Variants in ROBO2 observed in about 807,000 individuals in gnomAD.
The protein encoded by ROBO2 is roundabout homolog 2.
Under a neutral mutation model 160.8 loss-of-function variants are expected in ROBO2, and 53 were observed. That is an observed-to-expected ratio of 0.33 (90% CI 0.26 to 0.41). ROBO2 has a LOEUF of 0.41. Among genes scored for constraint, ROBO2 ranks in the 10% least tolerant of loss-of-function variants. ROBO2 has a pLI of 1.00. For missense variants in ROBO2, 1,577 were observed against 1,722.4 expected (o/e 0.92, Z 1.49); for synonymous variants, 664 against 611.7 (o/e 1.09, Z -1.26).
intron 2 of ROBO2, among the ~76,000 whole-genome samples, chr3:76,034,939 G>T (rs1471257400): frequency 6.6e-6 from 1 of 152,002 alleles, no homozygotes; most frequent in African/African-American, 2.4e-5. Context: ...TTTGGTCTCT[G>T]ATTTCTTTTA....
rs144473592 is a variant in ROBO2 at position 76,899,474 on chromosome 3, C to T, written c.110-198540C>T. Among the ~76,000 whole-genome samples, 678 of 152,236 alleles carry T rather than the reference C, an allele frequency of 4.5e-3. 9 individuals are homozygous for T. The highest frequency in any genetic ancestry group is 0.016 in the African/African-American group (652 of 41,552). On this transcript the variant is annotated intron_variant, in intron 2 of 26. Transcript: ENST00000487694. ...AGGGACTTATGTCTTGCCTTCCAAA[C>T]ATGTGAATATTATTTTACTTTGTAG...
intron 2 of ROBO2, among the ~76,000 whole-genome samples, chr3:76,335,195 T>G (rs1019458001): frequency 6.9e-6 from 1 of 145,192 alleles, no homozygotes; most frequent in African/African-American, 2.5e-5. Flanking sequence ...TTTTTTTTTT[T>G]TTTTTTGAGA....
chr3:76,973,139 A>G (rs2059651861), intron 2 of ROBO2, among the ~76,000 whole-genome samples: 1 of 152,130 alleles, frequency 6.6e-6, no homozygotes, highest in South Asian at 2.1e-4. Flanking sequence ...GCTGAGACCC[A>G]AGTTCAGCTG....
chr3:76,081,140 T>C (rs1010126988), intron 2 of ROBO2, among the ~76,000 whole-genome samples: 1 of 148,828 alleles, frequency 6.7e-6, no homozygotes, highest in African/African-American at 2.6e-5. Context: ...TTATAGTTTT[T>C]TTTTACAAAA....
chr3:77,164,485 T>G (rs1448462530), intron 2 of ROBO2, among the ~76,000 whole-genome samples: 9 of 96,912 alleles, frequency 9.3e-5, no homozygotes, highest in East Asian at 3.5e-4. Flanking sequence ...GGGAGGGAGG[T>G]GGGGGGGTCA....
At chr3:76,011,938 C>T (rs932238525) in intron 2 of ROBO2, among the ~76,000 whole-genome samples, 2 of 152,106 alleles carry the variant, frequency 1.3e-5, no homozygotes, top group Non-Finnish European at 2.9e-5. Flanking sequence ...CCCAGTGACT[C>T]GATGCAATCA....
At chr3:76,119,720 A>G (rs1016311238) in intron 2 of ROBO2, among the ~76,000 whole-genome samples, 1 of 152,154 alleles carries the variant, frequency 6.6e-6, no homozygotes, top group Middle Eastern at 3.2e-3. Context: ...CATTCAAAAT[A>G]GGAACCTACT....
intron 2 of ROBO2, among the ~76,000 whole-genome samples, chr3:76,232,338 A>G (rs1410137625): frequency 2.6e-5 from 4 of 152,242 alleles, no homozygotes; most frequent in Non-Finnish European, 5.9e-5. Context: ...ATTGGTTCAG[A>G]GTCTAGAAAT....
intron 2 of ROBO2, among the ~76,000 whole-genome samples, chr3:76,109,566 G>T (rs1364734364): frequency 6.6e-6 from 1 of 152,106 alleles, no homozygotes; most frequent in Non-Finnish European, 1.5e-5. Flanking sequence ...TGTTGACTGT[G>T]CCTCCTGCTT....
chr3:76,421,406 T>G (rs2075990295), intron 2 of ROBO2, among the ~76,000 whole-genome samples: 1 of 151,890 alleles, frequency 6.6e-6, no homozygotes, highest in Non-Finnish European at 1.5e-5. Flanking sequence ...AACAATAATA[T>G]TTTTTGATTA....
chr3:76,816,866 A>C (rs2109067233), intron 2 of ROBO2, among the ~76,000 whole-genome samples: 1 of 152,264 alleles, frequency 6.6e-6, no homozygotes, highest in Non-Finnish European at 1.5e-5. Flanking sequence ...TGGCACATAT[A>C]CACCATGGAA....
chr3:76,842,207 A>G (rs2068347855), intron 2 of ROBO2, among the ~76,000 whole-genome samples: 1 of 152,206 alleles, frequency 6.6e-6, no homozygotes, highest in South Asian at 2.1e-4. Context: ...TGAAAACGTT[A>G]TTACGGCTGT....
chr3:77,030,103 C>T (rs1488577653), intron 2 of ROBO2, among the ~76,000 whole-genome samples: 3 of 152,050 alleles, frequency 2.0e-5, no homozygotes, highest in African/African-American at 4.8e-5. Context: ...CGCCACCACG[C>T]CCGGCTAATT....
chr3:76,580,326 TTG>T (rs2085586073), intron 2 of ROBO2, among the ~76,000 whole-genome samples: 1 of 118,260 alleles, frequency 8.5e-6, no homozygotes, highest in African/African-American at 2.9e-5. Context: ...TGTTTTTTTT[TTG>T]TTTTTTTTTT....
chr3:76,711,483 G>A (rs533206154), intron 2 of ROBO2, among the ~76,000 whole-genome samples: 1 of 152,150 alleles, frequency 6.6e-6, no homozygotes, highest in Non-Finnish European at 1.5e-5. Context: ...CTGTAATTCA[G>A]ATTCCCGTCT....
At chr3:76,685,730 A>C (rs186889421) in intron 2 of ROBO2, among the ~76,000 whole-genome samples, 33 of 152,314 alleles carry the variant, frequency 2.2e-4, no homozygotes, top group Admixed American at 1.6e-3. Flanking sequence ...AGGTTCATAC[A>C]CAGTTGGAAC....
intron 2 of ROBO2, among the ~76,000 whole-genome samples, chr3:77,451,781 T>A (rs912858550): frequency 3.3e-5 from 5 of 151,910 alleles, no homozygotes; most frequent in Admixed American, 2.0e-4. Flanking sequence ...TTTTTTTAAT[T>A]TTTTTATTAT....
chr3:77,600,014 C>A (rs943711818), intron 19 of ROBO2, among the ~76,000 whole-genome samples: 3 of 152,112 alleles, frequency 2.0e-5, no homozygotes, highest in Non-Finnish European at 4.4e-5. Flanking sequence ...AATGAATTAC[C>A]AATTCCAAGT....
chr3:77,579,717 T>C (rs2093863962), intron 15 of ROBO2, among the ~76,000 whole-genome samples: 1 of 152,174 alleles, frequency 6.6e-6, no homozygotes, highest in African/African-American at 2.4e-5. Flanking sequence ...TGGCATAGTT[T>C]CAGCTTCCCT....
Sources: allele counts gnomAD v4.1 joint callset (sites outside exome capture counted in the v4.1 genomes callset), GRCh38; gene constraint gnomAD v4.1.1; transcripts MANE v1.5; gene names NCBI Gene and HGNC (gene_info 2026-07-23, HGNC 2026-07-21).